The following KCNIP1 variants were observed in gnomAD, a reference collection of about 807,000 sequenced individuals.
KCNIP1 encodes the protein A-type potassium channel modulatory protein KCNIP1.
In KCNIP1, 18 loss-of-function variants were observed where a neutral mutation model predicts 33.0. The ratio of observed to expected loss-of-function variants is 0.55; its 90% CI spans 0.38 to 0.81. KCNIP1 has a LOEUF of 0.81. Ranked by LOEUF, KCNIP1 falls within the 30% of genes least tolerant of loss-of-function variation. The pLI, the probability that KCNIP1 is intolerant of heterozygous loss-of-function variation, is 0.00. For synonymous variants in KCNIP1, 93 were observed against 98.3 expected, an observed-to-expected ratio of 0.95 and a Z score of 0.32; for missense variants, 238 against 271.6, an observed-to-expected ratio of 0.88 and a Z score of 0.87.
At chr5:170,569,949 G>A (rs1445690658) in intron 1 of KCNIP1, among the ~76,000 whole-genome samples, 1 of 152,166 alleles carries the variant, frequency 6.6e-6, no homozygotes, top group Non-Finnish European at 1.5e-5. Context: ...AAAGAGCAAA[G>A]CATCTAGACA....
At position 170,392,507 on chromosome 5, in the gene KCNIP1, A is replaced by C. The variant is rs529517009; in HGVS notation, c.88+38543A>C. ...TAAAACACCTGAGATTGCTATATGG[A>C]GTGTTACAGGAGAGTTTAGAAATGC... On this transcript the variant is annotated intron_variant, in intron 1 of 7. Transcript: ENST00000377360. 1.6e-4 allele frequency among the ~76,000 whole-genome samples: 24 copies of C among 152,262 alleles called. No individual in the cohort carries two copies. In the South Asian group the frequency reaches 2.5e-3, roughly 16 times the overall value.
intron 1 of KCNIP1, among the ~76,000 whole-genome samples, chr5:170,381,573 G>A (rs927962993): frequency 1.3e-5 from 2 of 152,184 alleles, no homozygotes; most frequent in Non-Finnish European, 2.9e-5. Context: ...AACACGAAGG[G>A]CATTTCCACT....
At chr5:170,723,896 T>C (rs543709982) in intron 5 of KCNIP1, among the ~76,000 whole-genome samples, 19 of 152,134 alleles carry the variant, frequency 1.2e-4, no homozygotes, top group Admixed American at 9.8e-4. Context: ...TGAGGCAAGA[T>C]AGAGCTTCAT....
chr5:170,722,471 CTG>C (rs940626987), intron 4 of KCNIP1, among the ~76,000 whole-genome samples: 1 of 151,912 alleles, frequency 6.6e-6, no homozygotes, highest in Non-Finnish European at 1.5e-5. Flanking sequence ...CTGTGTTGAT[CTG>C]TGTCTCTCAG....
chr5:170,561,144 T>G, intron 1 of KCNIP1: 1 of 455,976 alleles, frequency 2.2e-6, no homozygotes, highest in Non-Finnish European at 4.4e-6. Flanking sequence ...GCTGGAGATG[T>G]GTTTATGCTC....
chr5:170,438,850 G>A (rs1296405990), intron 1 of KCNIP1, among the ~76,000 whole-genome samples: 4 of 152,080 alleles, frequency 2.6e-5, no homozygotes, highest in Non-Finnish European at 5.9e-5. Flanking sequence ...ACCCTGTACC[G>A]AGCGGCACAC....
At chr5:170,668,020 T>G (rs145929783) in intron 1 of KCNIP1, among the ~76,000 whole-genome samples, 6 of 152,320 alleles carry the variant, frequency 3.9e-5, no homozygotes, top group African/African-American at 1.4e-4. Context: ...GACTGAGGGA[T>G]TATCCAAGGA....
At chr5:170,472,818 A>G (rs1182260376) in intron 1 of KCNIP1, among the ~76,000 whole-genome samples, 1 of 152,088 alleles carries the variant, frequency 6.6e-6, no homozygotes, top group Non-Finnish European at 1.5e-5. Context: ...CAGTTTCTTT[A>G]TCCACTCGTT....
chr5:170,358,964 G>A (rs973097409), intron 1 of KCNIP1, among the ~76,000 whole-genome samples: 5 of 152,142 alleles, frequency 3.3e-5, no homozygotes, highest in African/African-American at 4.8e-5. Flanking sequence ...GTCCCCCAGC[G>A]TCCCACTAAT....
At chr5:170,518,906 A>T (rs1581265510) in intron 1 of KCNIP1, among the ~76,000 whole-genome samples, 1 of 152,134 alleles carries the variant, frequency 6.6e-6, no homozygotes, top group African/African-American at 2.4e-5. Flanking sequence ...TGAGAGGCAC[A>T]TCCTGGCTCT....
At chr5:170,562,591 A>T in intron 1 of KCNIP1, among the ~76,000 whole-genome samples, 1 of 152,160 alleles carries the variant, frequency 6.6e-6, no homozygotes, top group Non-Finnish European at 1.5e-5. Context: ...ATTTTGCAAA[A>T]GCCTTTCCCA....
At position 170,390,461 on chromosome 5, in the gene KCNIP1, G is replaced by T. The variant is rs563439745; in HGVS notation, c.88+36497G>T. ...GCGGAGGTTGCAGTGAGTCAAGATTGTGCCACTGCACTCTAGCCTGAACAG... is the reference window on the plus strand; with the variant it reads ...GCGGAGGTTGCAGTGAGTCAAGATTTTGCCACTGCACTCTAGCCTGAACAG... On this transcript the variant is annotated intron_variant, in intron 1 of 7. Transcript: ENST00000377360. Among the ~76,000 whole-genome samples, 51 of 142,784 alleles carry T rather than the reference G, an allele frequency of 3.6e-4. No homozygotes were observed. The South Asian group carries it at 9.6e-3, about 27-fold the overall frequency. The allele number at this position is 142,784 out of a possible 152,430, so 93.7% of individuals were successfully genotyped here. A position where few individuals can be genotyped will look rare whatever the true frequency, so the allele number is the denominator to read the frequency against.
intron 1 of KCNIP1, among the ~76,000 whole-genome samples, chr5:170,368,099 T>C (rs1304972626): frequency 1.3e-5 from 2 of 152,082 alleles, no homozygotes; most frequent in Non-Finnish European, 2.9e-5. Context: ...TGATATCGTA[T>C]CAAGTAGGAA....
At chr5:170,403,622 G>A (rs1732659924) in intron 1 of KCNIP1, among the ~76,000 whole-genome samples, 1 of 152,168 alleles carries the variant, frequency 6.6e-6, no homozygotes. Flanking sequence ...GCTTTTGAGT[G>A]TATAGGTCTC....
At chr5:170,372,678 GGAGAA>G (rs1195327981) in intron 1 of KCNIP1, among the ~76,000 whole-genome samples, 1 of 152,168 alleles carries the variant, frequency 6.6e-6, no homozygotes, top group Non-Finnish European at 1.5e-5. Flanking sequence ...AATATAAAGT[GGAGAA>G]GCACTAGATG....
chr5:170,667,793 T>C (rs1375800441), intron 1 of KCNIP1, among the ~76,000 whole-genome samples: 2 of 152,230 alleles, frequency 1.3e-5, no homozygotes, highest in Non-Finnish European at 2.9e-5. Context: ...CTTTACACAG[T>C]ACCTAGCACA....
intron 1 of KCNIP1, among the ~76,000 whole-genome samples, chr5:170,676,693 A>G (rs1053820518): frequency 3.9e-5 from 6 of 152,218 alleles, no homozygotes; most frequent in Non-Finnish European, 1.5e-5. Context: ...TCAAGGGCAC[A>G]TGGATGTCAC....
chr5:170,602,349 G>C (rs1032714135), intron 1 of KCNIP1, among the ~76,000 whole-genome samples: 1 of 152,232 alleles, frequency 6.6e-6, no homozygotes, highest in Admixed American at 6.5e-5. Flanking sequence ...CCACCGCTGG[G>C]CCTCAATGCC....
chr5:170,704,224 G>A lies in KCNIP1; in HGVS notation c.62-14534G>A, dbSNP rs1475326309. ...AGGGATTAGTCTCTGTGACCCCAAG[G>A]ATGCCTCCTGAAATTGCTGATTCAA... On this transcript the variant is annotated intron_variant, in intron 1 of 7. Coordinates refer to ENST00000328939, the MANE Select transcript of KCNIP1 (RefSeq NM_014592.4). 3.2e-5 allele frequency among the ~76,000 whole-genome samples: 3 copies of A among 93,824 alleles called. 1 individual carries two copies. The highest frequency in any genetic ancestry group is 6.1e-5 in the Non-Finnish European group (3 of 49,520). The allele number at this position is 93,824 out of a possible 152,430, so 61.6% of individuals were successfully genotyped here.
Sources: allele counts gnomAD v4.1 joint callset (sites outside exome capture counted in the v4.1 genomes callset), GRCh38; gene constraint gnomAD v4.1.1; transcripts MANE v1.5; gene names NCBI Gene and HGNC (gene_info 2026-07-23, HGNC 2026-07-21).